The following MAGI2 variants were observed in gnomAD, a reference collection of about 807,000 sequenced individuals.
MAGI2 encodes membrane-associated guanylate kinase, WW and PDZ domain-containing protein 2.
MAGI2 carries 35 observed loss-of-function variants against 133.3 expected under a neutral mutation model. The ratio of observed to expected loss-of-function variants is 0.26; its 90% CI spans 0.20 to 0.35. The LOEUF is 0.35. MAGI2 is among the 10% of genes least tolerant of loss of function. MAGI2 has a pLI of 1.00. For synonymous variants in MAGI2, 729 were observed against 710.6 expected (o/e 1.03, Z -0.41); for missense variants, 1,636 against 1,863.4 (o/e 0.88, Z 2.25).
chr7:78,940,616 C>T (rs1255084912), intron 2 of MAGI2: 1 of 152,166 alleles, frequency 6.6e-6, no homozygotes, highest in African/African-American at 2.4e-5. Flanking sequence ...AAAGAAGCAA[C>T]AGCAACAGCA....
intron 5 of MAGI2, among the ~76,000 whole-genome samples, chr7:78,501,323 A>T (rs905647013): frequency 2.6e-5 from 4 of 152,044 alleles, no homozygotes; most frequent in Non-Finnish European, 4.4e-5. Context: ...TCACATGGAG[A>T]TTTGTCTTTT....
In MAGI2 at chr7:79,425,586, ATATATATATATATG is replaced by A. The variant is rs983751854; in HGVS notation, c.301+27420_301+27433del. ...TGCAGAAAATAAGGGTTTTATATAT[ATATATATATATATG>A]TATATATATGTATATATACGTTTTG... is the stretch of plus-strand genomic sequence containing the variant. On this transcript the variant is annotated intron_variant, in intron 1 of 21. Coordinates refer to ENST00000354212, the MANE Select transcript of MAGI2 (RefSeq NM_012301.4). Among the ~76,000 whole-genome samples the A allele has an allele frequency of 4.6e-3, 375 of 81,046 alleles. 2 individuals carry two copies. Among genetic ancestry groups the A allele is most frequent in the African/African-American group, 0.037 (332 of 8,962 alleles). 53.2% of individuals were successfully genotyped at this position (81,046 alleles called of 152,430 possible). A position where few individuals can be genotyped will look rare whatever the true frequency, so the allele number is the denominator to read the frequency against.
chr7:79,219,953 T>A (rs1830313610), intron 1 of MAGI2, among the ~76,000 whole-genome samples: 1 of 151,382 alleles, frequency 6.6e-6, no homozygotes, highest in African/African-American at 2.4e-5. Flanking sequence ...ATACACACGA[T>A]TTTTTTTTGT....
In MAGI2 at chr7:78,019,228, C is replaced by T. The variant is rs774455708; in HGVS notation, c.*87G>A. ...GTGCCTCGTGGATCTATGCGTGTGA[C>T]AGTGAAAATAAATTAAAACGCCGTG... On this transcript the variant is annotated 3_prime_UTR_variant, in exon 22 of 22. Transcript: ENST00000354212. 3.4e-6 allele frequency: 5 copies of T among 1,449,608 alleles called. No homozygotes were observed. The Admixed American group carries it at 9.9e-5, about 29-fold the overall frequency. 89.8% of individuals were successfully genotyped at this position (1,449,608 alleles called of 1,614,324 possible).
chr7:78,487,225 T>C, intron 6 of MAGI2: 1 of 230,626 alleles, frequency 4.3e-6, no homozygotes, highest in South Asian at 7.0e-5. Context: ...ACGGAGTTTC[T>C]AAGGCTGCAC....
intron 1 of MAGI2, among the ~76,000 whole-genome samples, chr7:79,038,491 G>A (rs1811323448): frequency 6.6e-6 from 1 of 152,106 alleles, no homozygotes; most frequent in South Asian, 2.1e-4. Context: ...TTATGAGCCA[G>A]TAGACTTTGA....
At chr7:78,842,135 G>T (rs556871938) in intron 2 of MAGI2, among the ~76,000 whole-genome samples, 10 of 151,914 alleles carry the variant, frequency 6.6e-5, no homozygotes, top group African/African-American at 2.4e-4. Context: ...CCTGCATCCC[G>T]TGTCAGAGAA....
At chr7:78,755,232 GAA>G (rs1297103400) in intron 2 of MAGI2, among the ~76,000 whole-genome samples, 1 of 152,122 alleles carries the variant, frequency 6.6e-6, no homozygotes, top group African/African-American at 2.4e-5. Context: ...ATGTACGGTG[GAA>G]AAAAACACTA....
intron 1 of MAGI2, among the ~76,000 whole-genome samples, chr7:79,127,542 G>A (rs1820534655): frequency 6.6e-6 from 1 of 152,126 alleles, no homozygotes; most frequent in African/African-American, 2.4e-5. Context: ...GCATTTCTCT[G>A]ATGGCCAGTG....
At chr7:79,148,800 T>C (rs1822892921) in intron 1 of MAGI2, among the ~76,000 whole-genome samples, 2 of 150,866 alleles carry the variant, frequency 1.3e-5, no homozygotes, top group Admixed American at 1.3e-4. Flanking sequence ...CTGTATTGTA[T>C]ACTATTTGGT....
At chr7:78,958,297 T>C (rs1431494290) in intron 2 of MAGI2, among the ~76,000 whole-genome samples, 1 of 152,136 alleles carries the variant, frequency 6.6e-6, no homozygotes, top group Non-Finnish European at 1.5e-5. Context: ...CATCCTGGGA[T>C]AGGTCTTCTA....
Position 79,191,402 on chromosome 7 carries a change from C to CTTTTTTTTTTTTTTTTT in MAGI2, c.302-184213_302-184197dup, listed in dbSNP as rs71095386. Reference sequence around the variant, plus strand: ...TCTTTTTTTCTTTTTCTTTTTCTTTCTTTTTTTTTTTTTTTTTTTTTTTTT... The same window carrying CTTTTTTTTTTTTTTTTT: ...TCTTTTTTTCTTTTTCTTTTTCTTTCTTTTTTTTTTTTTTTTTTTTTTTTTTTTTTTTTTTTTTTTTT... On this transcript the variant is annotated intron_variant, in intron 1 of 21. Coordinates refer to ENST00000354212, the MANE Select transcript of MAGI2 (RefSeq NM_012301.4). 2.6e-3 allele frequency among the ~76,000 whole-genome samples: 58 copies of CTTTTTTTTTTTTTTTTT among 22,328 alleles called. 8 individuals carry two copies. Among genetic ancestry groups the CTTTTTTTTTTTTTTTTT allele is most frequent in the Non-Finnish European group, 2.8e-3 (30 of 10,642 alleles). The allele number at this position is 22,328 out of a possible 152,430, so 14.6% of individuals were successfully genotyped here.
intron 1 of MAGI2, among the ~76,000 whole-genome samples, chr7:79,395,763 T>G (rs984534651): frequency 1.3e-5 from 2 of 152,152 alleles, no homozygotes; most frequent in African/African-American, 4.8e-5. Flanking sequence ...TTATGACACC[T>G]GCAGCTAGAC....
chr7:78,550,590 A>T (rs1031376456), intron 3 of MAGI2, among the ~76,000 whole-genome samples: 53 of 152,244 alleles, frequency 3.5e-4, no homozygotes, highest in African/African-American at 1.1e-3. Flanking sequence ...CACTCCAGAT[A>T]AGAGCTTTTA....
intron 2 of MAGI2, among the ~76,000 whole-genome samples, chr7:78,941,230 C>G (rs1800937503): frequency 6.6e-6 from 1 of 152,206 alleles, no homozygotes; most frequent in African/African-American, 2.4e-5. Flanking sequence ...ACAGGTTCAT[C>G]TATTGTGTCA....
At chr7:78,929,353 T>C (rs1366519642) in intron 2 of MAGI2, among the ~76,000 whole-genome samples, 1 of 152,044 alleles carries the variant, frequency 6.6e-6, no homozygotes, top group Non-Finnish European at 1.5e-5. Context: ...CTCAACTTAC[T>C]ATAAAAAGGC....
chr7:78,215,465 C>A (rs1788177151), intron 10 of MAGI2, among the ~76,000 whole-genome samples: 1 of 152,146 alleles, frequency 6.6e-6, no homozygotes, highest in Non-Finnish European at 1.5e-5. Flanking sequence ...GACATCAACA[C>A]CACCTGTTGT....
intron 1 of MAGI2, among the ~76,000 whole-genome samples, chr7:79,290,006 C>CT (rs1259260190): frequency 6.6e-6 from 1 of 152,070 alleles, no homozygotes; most frequent in Non-Finnish European, 1.5e-5. Flanking sequence ...CTATTCTTCT[C>CT]TAAGATTTTT....
chr7:78,899,316 A>G (rs372766563), intron 2 of MAGI2, among the ~76,000 whole-genome samples: 46 of 152,302 alleles, frequency 3.0e-4, no homozygotes, highest in African/African-American at 1.0e-3. Flanking sequence ...AGTTGGTTAT[A>G]TATACTTAAA....
Sources: allele counts gnomAD v4.1 joint callset (sites outside exome capture counted in the v4.1 genomes callset), GRCh38; gene constraint gnomAD v4.1.1; transcripts MANE v1.5; gene names NCBI Gene and HGNC (gene_info 2026-07-23, HGNC 2026-07-21).